CFI: variants seen among roughly 807,000 people sequenced by gnomAD.
The protein encoded by CFI is C3B/C4B inactivator.
CFI carries 66 observed loss-of-function variants against 78.8 expected under a neutral mutation model. The ratio of observed to expected loss-of-function variants is 0.84; its 90% CI spans 0.69 to 1.03. The LOEUF (loss-of-function observed/expected upper bound fraction) is 1.03, where lower values mean the gene tolerates loss of function less well. CFI is among the 50% of genes least tolerant of loss of function. CFI has a pLI of 0.00. For missense variants in CFI, 706 were observed against 704.5 expected (o/e 1.00, Z -0.02); for synonymous variants, 250 against 232.6 (o/e 1.07, Z -0.68).
chr4:109,786,390 C>CT (rs199740031), intron 1 of CFI, among the ~76,000 whole-genome samples: 2,387 of 152,068 alleles, frequency 0.016, 78 homozygotes, highest in African/African-American at 0.055. Context: ...TAAACTTTAT[C>CT]TTTTTTTTCT....
At chr4:109,777,413 A>G (rs1467620482) in intron 1 of CFI, among the ~76,000 whole-genome samples, 2 of 152,234 alleles carry the variant, frequency 1.3e-5, no homozygotes, top group Non-Finnish European at 2.9e-5. Context: ...AAAGGGATCG[A>G]TTCAACAAGA....
chr4:109,766,969 T>C (rs1727845374), intron 1 of CFI, 145 bp from the exon 2 acceptor site: 1 of 733,686 alleles, frequency 1.4e-6, no homozygotes, highest in African/African-American at 1.8e-5. Flanking sequence ...GAATCAGAAA[T>C]AATGCCGCAT....
At chr4:109,777,802 C>A (rs952698202) in intron 1 of CFI, among the ~76,000 whole-genome samples, 3 of 152,160 alleles carry the variant, frequency 2.0e-5, no homozygotes, top group African/African-American at 7.2e-5. Context: ...ACAGTGCAAT[C>A]AAACTAGAAC....
At chr4:109,772,131 A>G (rs1171958477) in intron 1 of CFI, among the ~76,000 whole-genome samples, 1 of 152,282 alleles carries the variant, frequency 6.6e-6, no homozygotes, top group African/African-American at 2.4e-5. Context: ...CAAGGGCAAC[A>G]TTAATCAACG....
chr4:109,784,442 T>C (rs1730495472), intron 1 of CFI, among the ~76,000 whole-genome samples: 1 of 152,082 alleles, frequency 6.6e-6, no homozygotes, highest in African/African-American at 2.4e-5. Flanking sequence ...GAGAATCATA[T>C]ACATGCGCTT....
chr4:109,782,891 G>A (rs1730241949), intron 1 of CFI, among the ~76,000 whole-genome samples: 1 of 152,090 alleles, frequency 6.6e-6, no homozygotes, highest in African/African-American at 2.4e-5. Context: ...ACAGCCAACT[G>A]ATCTTCGACA....
chr4:109,743,171 T>C (rs1347446275), intron 11 of CFI, among the ~76,000 whole-genome samples: 1 of 152,206 alleles, frequency 6.6e-6, no homozygotes, highest in Non-Finnish European at 1.5e-5. Context: ...GTGCTGGGAT[T>C]ACAGGCATGA....
chr4:109,733,101 A>G, the CFI span, among the ~76,000 whole-genome samples: 7 of 151,734 alleles, frequency 4.6e-5, no homozygotes, highest in Admixed American at 1.3e-4. Flanking sequence ...CCTCCCGAGT[A>G]GCTGGGATTA....
chr4:109,735,581 A>C, the CFI span, among the ~76,000 whole-genome samples: 1 of 152,364 alleles, frequency 6.6e-6, no homozygotes, highest in Non-Finnish European at 1.5e-5. Flanking sequence ...GTTGTGATGA[A>C]AATAAAAGCC....
intron 1 of CFI, among the ~76,000 whole-genome samples, chr4:109,787,671 T>C (rs1054081051): frequency 1.2e-4 from 18 of 152,024 alleles, no homozygotes; most frequent in African/African-American, 4.1e-4. Context: ...TGTGGGAAGA[T>C]GACTGTATGC....
intron 7 of CFI, among the ~76,000 whole-genome samples, chr4:109,756,457 AGAG>A (rs1270617085): frequency 1.3e-5 from 2 of 148,690 alleles, no homozygotes; most frequent in Non-Finnish European, 3.0e-5. Context: ...AGGAGGAGGA[AGAG>A]GAGGAGGAGG....
At chr4:109,753,982 AAT>A (rs1030789184) in intron 7 of CFI, among the ~76,000 whole-genome samples, 7 of 144,124 alleles carry the variant, frequency 4.9e-5, no homozygotes, top group Non-Finnish European at 7.5e-5. Flanking sequence ...TGTATTTTAA[AAT>A]ATATATATAT....
intron 1 of CFI, among the ~76,000 whole-genome samples, chr4:109,792,258 T>C (rs1731472919): frequency 6.6e-6 from 1 of 152,130 alleles, no homozygotes; most frequent in Non-Finnish European, 1.5e-5. Flanking sequence ...AAGTGGAGTA[T>C]TGAAGCTTCC....
At position 109,741,083 on chromosome 4, in the gene CFI, C is replaced by T. The variant is rs774223334; in HGVS notation, c.1562G>A (p.Cys521Tyr). The T allele has an allele frequency of 1.9e-6, 3 of 1,614,168 alleles. No homozygotes were observed. In the South Asian group the frequency reaches 3.3e-5, roughly 18 times the overall value. Residue 521 changes from cysteine (C) to tyrosine (Y), a missense_variant, in exon 13 of 13, where the codon TGT becomes TAT. Transcript: ENST00000394634. ...AGTYDGSIDACKGDSGGPLVC... is the reference protein window; with the variant it reads ...AGTYDGSIDAYKGDSGGPLVC... Reference sequence around the variant, plus strand: ...TAAGGGGCCTCCAGAGTCCCCTTTACAGGCATCGATGGAACCATCATATGT... The same window carrying T: ...TAAGGGGCCTCCAGAGTCCCCTTTATAGGCATCGATGGAACCATCATATGT...
At chr4:109,783,127 TCATGACCAAGAACCCA>T (rs1392036391) in intron 1 of CFI, among the ~76,000 whole-genome samples, 2 of 152,134 alleles carry the variant, frequency 1.3e-5, no homozygotes, top group Non-Finnish European at 2.9e-5. Flanking sequence ...GGCAAGGATT[TCATGACCAAGAACCCA>T]AAAGCAAATG....
intron 1 of CFI, among the ~76,000 whole-genome samples, chr4:109,784,651 A>G (rs934054519): frequency 9.9e-5 from 15 of 152,114 alleles, no homozygotes; most frequent in African/African-American, 3.1e-4. Flanking sequence ...TTATGAGAAG[A>G]AAAAATAATG....
chr4:109,766,241 T>C (rs1309972420), intron 2 of CFI, among the ~76,000 whole-genome samples: 3 of 152,084 alleles, frequency 2.0e-5, no homozygotes, highest in African/African-American at 4.8e-5. Context: ...ACCAACTCAA[T>C]GGCCCTGGGA....
intron 11 of CFI, among the ~76,000 whole-genome samples, chr4:109,743,755 T>G (rs540222980): frequency 6.6e-6 from 1 of 152,274 alleles, no homozygotes; most frequent in African/African-American, 2.4e-5. Flanking sequence ...CCCAGGACTT[T>G]GGGAGGCCAG....
At chr4:109,786,583 C>A (rs72674889) in intron 1 of CFI, among the ~76,000 whole-genome samples, 38,883 of 151,868 alleles carry the variant, frequency 0.26, 5,477 homozygotes, top group Admixed American at 0.36. Context: ...ACAAGAAAAA[C>A]ACATGATCAG....
Sources: allele counts gnomAD v4.1 joint callset (sites outside exome capture counted in the v4.1 genomes callset), GRCh38; gene constraint gnomAD v4.1.1; transcripts MANE v1.5; gene names NCBI Gene and HGNC (gene_info 2026-07-23, HGNC 2026-07-21).